NEDD4L: variants seen among roughly 807,000 people sequenced by gnomAD.
NEDD4L encodes the protein E3 ubiquitin-protein ligase NEDD4-like.
A neutral mutation model predicts 148.9 loss-of-function variants in NEDD4L; 54 were observed. The ratio of observed to expected loss-of-function variants is 0.36; its 90% confidence interval spans 0.29 to 0.45. The LOEUF is 0.45. Among genes scored for constraint, NEDD4L ranks in the 20% least tolerant of loss-of-function variants. NEDD4L has a pLI of 1.00. For synonymous variants in NEDD4L, 433 were observed against 440.7 expected (o/e 0.98, Z 0.22); for missense variants, 856 against 1,233.8 (o/e 0.69, Z 4.59).
chr18:58,084,497 C>T (rs192076966), intron 1 of NEDD4L, among the ~76,000 whole-genome samples: 65 of 152,244 alleles, frequency 4.3e-4, no homozygotes, highest in African/African-American at 1.3e-3. Flanking sequence ...TGAGGGCTGC[C>T]ATAGCAAAAC....
chr18:58,372,432 A>C (rs2047008128), intron 23 of NEDD4L: 1 of 151,832 alleles, frequency 6.6e-6, no homozygotes, highest in Non-Finnish European at 1.5e-5. Flanking sequence ...AACATTCTTT[A>C]TCCTTCCTGT....
chr18:58,158,494 T>A (rs138200824), intron 1 of NEDD4L, among the ~76,000 whole-genome samples: 6 of 152,356 alleles, frequency 3.9e-5, no homozygotes, highest in African/African-American at 1.4e-4. Context: ...AGGGTTCTGC[T>A]CTAGAAGTCT....
At chr18:58,083,736 C>T (rs1391202469) in intron 1 of NEDD4L, among the ~76,000 whole-genome samples, 6 of 152,058 alleles carry the variant, frequency 3.9e-5, no homozygotes, top group Admixed American at 1.3e-4. Flanking sequence ...ATCAAATGTT[C>T]GTCAGCTGAT....
chr18:58,276,542 C>A (rs894135036), intron 5 of NEDD4L, among the ~76,000 whole-genome samples: 1 of 151,944 alleles, frequency 6.6e-6, no homozygotes, highest in Non-Finnish European at 1.5e-5. Context: ...TCTATGAAAC[C>A]TGGTGACTTA....
intron 29 of NEDD4L, 45 bp from the exon 30 acceptor site, chr18:58,391,442 T>C: frequency 6.8e-7 from 1 of 1,470,782 alleles, no homozygotes; most frequent in Non-Finnish European, 9.3e-7. Context: ...GCTTCATTCT[T>C]CTGCCCCAAG....
At chr18:58,195,724 C>T (rs1181303907) in intron 2 of NEDD4L, 1 of 1,351,716 alleles carries the variant, frequency 7.4e-7, no homozygotes, top group Non-Finnish European at 9.8e-7. Flanking sequence ...CTCTTCCTGC[C>T]TGGAATCTGG....
intron 27 of NEDD4L, chr18:58,388,875 G>T: frequency 1.7e-6 from 1 of 580,840 alleles, no homozygotes; most frequent in Non-Finnish European, 3.1e-6. Flanking sequence ...CGCAAGGTTC[G>T]AATTGAGCTG....
At chr18:58,210,949 A>G (rs2042546324) in intron 2 of NEDD4L, among the ~76,000 whole-genome samples, 1 of 152,242 alleles carries the variant, frequency 6.6e-6, no homozygotes, top group Admixed American at 6.5e-5. Context: ...ACTCATCACT[A>G]TCATCAGTTG....
chr18:58,158,570 T>C (rs572623972), intron 1 of NEDD4L, among the ~76,000 whole-genome samples: 1 of 152,304 alleles, frequency 6.6e-6, no homozygotes, highest in South Asian at 2.1e-4. Flanking sequence ...CATTACCCAG[T>C]AGAAGTTGAG....
At chr18:58,255,657 G>C (rs571765380) in intron 5 of NEDD4L, 1 of 1,232,258 alleles carries the variant, frequency 8.1e-7, no homozygotes. Context: ...CATCGGCTTC[G>C]GTTTCATTTT....
At chr18:58,324,300 C>G (rs2059115273) in intron 8 of NEDD4L, among the ~76,000 whole-genome samples, 1 of 152,190 alleles carries the variant, frequency 6.6e-6, no homozygotes, top group Admixed American at 6.5e-5. Flanking sequence ...GAAGGGAATA[C>G]GTAATGCCTA....
chr18:58,339,034 C>G (rs115478042), intron 13 of NEDD4L, among the ~76,000 whole-genome samples: 1,882 of 152,206 alleles, frequency 0.012, 30 homozygotes, highest in African/African-American at 0.043. Context: ...CCCAAGTGTC[C>G]TTTCCAGAGA....
chr18:58,364,251 A>C lies in NEDD4L; in HGVS notation c.1768-17A>C, dbSNP rs924325822. ...TGTATTGTTTGCATTATCTATATTT[A>C]TAAATTTATCTTCCAGGCTGTCCCT... On this transcript the variant is annotated splice_polypyrimidine_tract_variant and intron_variant, in intron 19 of 30. Coordinates refer to ENST00000400345, the MANE Select transcript of NEDD4L (RefSeq NM_001144967.3). 1.4e-6 allele frequency: 2 copies of C among 1,467,632 alleles called. No individual in the cohort carries two copies. The highest frequency in any genetic ancestry group is 1.9e-6 in the Non-Finnish European group (2 of 1,072,708). The allele number at this position is 1,467,632 out of a possible 1,614,324, so 90.9% of individuals were successfully genotyped here. A position where few individuals can be genotyped will look rare whatever the true frequency, so the allele number is the denominator to read the frequency against.
chr18:58,270,449 T>C (rs1261991932), intron 5 of NEDD4L, among the ~76,000 whole-genome samples: 2 of 152,202 alleles, frequency 1.3e-5, no homozygotes, highest in African/African-American at 2.4e-5. Flanking sequence ...GCAAATGAAC[T>C]GCCCATAGTC....
At chr18:58,206,656 A>T (rs572797588) in intron 2 of NEDD4L, among the ~76,000 whole-genome samples, 1 of 152,196 alleles carries the variant, frequency 6.6e-6, no homozygotes, top group South Asian at 2.1e-4. Flanking sequence ...AACTTAAGAT[A>T]TGTGGGAGAA....
At chr18:58,380,387 C>T (rs543503159) in intron 24 of NEDD4L, among the ~76,000 whole-genome samples, 1 of 151,594 alleles carries the variant, frequency 6.6e-6, no homozygotes, top group Admixed American at 6.6e-5. Flanking sequence ...GGCATGATCT[C>T]GGCTCAGTGC....
Position 58,258,803 on chromosome 18 carries a change from C to T in NEDD4L, c.297+6749C>T, listed in dbSNP as rs111415862. Among the ~76,000 whole-genome samples, 830 of 152,198 alleles carry T rather than the reference C, an allele frequency of 5.5e-3. 6 individuals are homozygous for T. The highest frequency in any genetic ancestry group is 0.027 in the Middle Eastern group (8 of 294). Reference sequence around the variant, plus strand: ...ACCAAAAGTGGTCACATAACAAAACCGCCTGCTCCATTCAGCAACTTTGTA... The same window carrying T: ...ACCAAAAGTGGTCACATAACAAAACTGCCTGCTCCATTCAGCAACTTTGTA... On this transcript the variant is annotated intron_variant, in intron 5 of 30. Transcript: ENST00000400345.
chr18:58,292,165 C>T (rs958888279), intron 5 of NEDD4L, among the ~76,000 whole-genome samples: 3 of 152,066 alleles, frequency 2.0e-5, no homozygotes, highest in South Asian at 2.1e-4. Flanking sequence ...TGGGTATCAA[C>T]CATGGAAGTT....
intron 5 of NEDD4L, among the ~76,000 whole-genome samples, chr18:58,280,104 C>T (rs1368348381): frequency 6.6e-6 from 1 of 152,130 alleles, no homozygotes. Flanking sequence ...GATGGGGTCT[C>T]ACTGTGTTTC....
Sources: gnomAD v4.1 joint callset for allele counts (sites outside exome capture counted in the v4.1 genomes callset) on GRCh38, gnomAD v4.1.1 for gene constraint, MANE v1.5 for transcripts, NCBI Gene and HGNC (gene_info 2026-07-23, HGNC 2026-07-21) for gene names.